PAPOLA: variants seen among roughly 807,000 people sequenced by gnomAD.
PAPOLA encodes polynucleotide adenylyltransferase alpha.
In PAPOLA, 15 loss-of-function variants were observed where a neutral mutation model predicts 100.6. That is an observed-to-expected ratio of 0.15 (90% CI 0.10 to 0.23). The LOEUF is 0.23. Ranked by LOEUF, PAPOLA falls within the 10% of genes least tolerant of loss-of-function variation. The pLI is 1.00. For missense variants in PAPOLA, 533 were observed against 884.2 expected, an observed-to-expected ratio of 0.60 and a Z score of 5.04; for synonymous variants, 293 against 300.0, an observed-to-expected ratio of 0.98 and a Z score of 0.24.
At chr14:96,518,411 TTGC>T (rs1461034602) in intron 1 of PAPOLA, among the ~76,000 whole-genome samples, 1 of 149,884 alleles carries the variant, frequency 6.7e-6, no homozygotes, top group Non-Finnish European at 1.5e-5. Flanking sequence ...TTATTGCTTT[TTGC>T]TTTTTTTTTT....
chr14:96,532,950 C>T, intron 9 of PAPOLA: 2 of 1,067,352 alleles, frequency 1.9e-6, no homozygotes, highest in South Asian at 7.6e-5. Context: ...AAATCAGTTA[C>T]TATACTTTTG....
chr14:96,562,950 A>G (rs1477389546), intron 21 of PAPOLA, 57 bp downstream of exon 21: 6 of 978,066 alleles, frequency 6.1e-6, no homozygotes, highest in South Asian at 2.7e-5. Context: ...TTAGTGTGGT[A>G]TATTGAATTA....
intron 1 of PAPOLA, among the ~76,000 whole-genome samples, chr14:96,513,487 G>T (rs1057212302): frequency 6.6e-6 from 1 of 152,160 alleles, no homozygotes; most frequent in Non-Finnish European, 1.5e-5. Flanking sequence ...GTAATAAATA[G>T]ATCGCTGGAG....
At chr14:96,523,491 T>A (rs770387281) in intron 3 of PAPOLA, among the ~76,000 whole-genome samples, 10 of 152,332 alleles carry the variant, frequency 6.6e-5, no homozygotes, top group South Asian at 2.1e-4. Flanking sequence ...AATAGAGAAG[T>A]CTGTGGACCA....
At chr14:96,519,945 A>G in intron 1 of PAPOLA, 110 bp from the exon 2 acceptor site, 6 of 905,338 alleles carry the variant, frequency 6.6e-6, no homozygotes, top group Non-Finnish European at 9.8e-6. Context: ...ATTGCAGGGA[A>G]CCAATCATGT....
chr14:96,566,665 A>C lies in PAPOLA; in HGVS notation c.*1615A>C, dbSNP rs531223687. On this transcript the variant is annotated 3_prime_UTR_variant, in exon 22 of 22. Transcript: ENST00000216277. The stretch of plus-strand genomic sequence containing the variant: ...ATAATGTCTAGTAAACAATATTTCT[A>C]CTTCCCACATCTTTGCTTTACACAG... 6.6e-6 allele frequency: 1 copy of C among 152,568 alleles called. No homozygotes were observed. Among genetic ancestry groups the C allele is most frequent in the African/African-American group, 2.4e-5 (1 of 41,540 alleles). The allele number at this position is 152,568 out of a possible 1,614,324, so 9.5% of individuals were successfully genotyped here.
intron 1 of PAPOLA, among the ~76,000 whole-genome samples, chr14:96,503,646 G>T (rs1253520823): frequency 8.6e-5 from 13 of 151,906 alleles, no homozygotes; most frequent in Admixed American, 8.5e-4. Flanking sequence ...CATCTTAGTA[G>T]CCTCAAAACG....
intron 10 of PAPOLA, 141 bp from the exon 11 acceptor site, chr14:96,535,738 T>C: frequency 1.2e-6 from 1 of 820,746 alleles, no homozygotes; most frequent in Non-Finnish European, 1.7e-6. Context: ...ACAATGTCTC[T>C]CTACATGGTT....
intron 1 of PAPOLA, among the ~76,000 whole-genome samples, chr14:96,507,578 A>G (rs1400291668): frequency 1.3e-5 from 2 of 152,128 alleles, no homozygotes; most frequent in African/African-American, 4.8e-5. Flanking sequence ...CCTGGCCGAA[A>G]ATAGTTTTTT....
chr14:96,529,444 C>T (rs1898792499), intron 6 of PAPOLA, among the ~76,000 whole-genome samples: 1 of 151,500 alleles, frequency 6.6e-6, no homozygotes, highest in African/African-American at 2.4e-5. Context: ...ATCTAGTAGC[C>T]AGGCACGGTG....
At chr14:96,532,684 T>G in intron 9 of PAPOLA, 35 bp downstream of exon 9, 1 of 1,539,840 alleles carries the variant, frequency 6.5e-7, no homozygotes. Context: ...TAAAATTGAT[T>G]GTAGACACTG....
chr14:96,556,070 G>A, intron 18 of PAPOLA, 105 bp from the exon 19 acceptor site: 2 of 1,178,140 alleles, frequency 1.7e-6, no homozygotes, highest in Non-Finnish European at 2.5e-6. Context: ...TTTATTTTTT[G>A]CATGTAAAGT....
rs568654592 is a variant in PAPOLA, at chr14:96,534,827, C to T, written c.909+264C>T. 3.7e-5 allele frequency: 43 copies of T among 1,175,650 alleles called. No homozygotes were observed. The East Asian group carries it at 1.5e-3, about 41-fold the overall frequency. The allele number at this position is 1,175,650 out of a possible 1,614,324, so 72.8% of individuals were successfully genotyped here. On this transcript the variant is annotated intron_variant, in intron 10 of 21. Transcript: ENST00000216277. Reference sequence around the variant, plus strand: ...ACATTTTAATTTATTCTATATAGAACTACCTTGTAAGTCAAAGTTGTGTGG... The same window carrying T: ...ACATTTTAATTTATTCTATATAGAATTACCTTGTAAGTCAAAGTTGTGTGG...
Position 96,529,565 on chromosome 14 carries a change from AGAAAAAATTAGCCAGGCATGGTGGCGT to A in PAPOLA, c.495+1561_495+1587del, listed in dbSNP as rs1475338617. 5.9e-5 allele frequency among the ~76,000 whole-genome samples: 9 copies of A among 151,946 alleles called. No individual in the cohort carries two copies. The East Asian group carries it at 1.6e-3, about 26-fold the overall frequency. ...TTGAAACCCTGTCTGTACTAAAAAT[AGAAAAAATTAGCCAGGCATGGTGGCGT>A]GTGCCTGTAGTCCCAGCTACTTAGG... On this transcript the variant is annotated intron_variant, in intron 6 of 21. Transcript: ENST00000216277.
At chr14:96,531,321 A>G (rs973799904) in intron 6 of PAPOLA, among the ~76,000 whole-genome samples, 154 bp from the exon 7 acceptor site, 1 of 151,254 alleles carries the variant, frequency 6.6e-6, no homozygotes, top group Non-Finnish European at 1.5e-5. Context: ...TTATAGAGAC[A>G]GGGTTTCGCC....
rs755791845 is a variant in PAPOLA at position 96,536,028 on chromosome 14, A to G, written c.1030+29A>G. 2.6e-6 allele frequency: 4 copies of G among 1,531,980 alleles called. No homozygotes were observed. The South Asian group carries it at 3.9e-5, about 15-fold the overall frequency. The allele number at this position is 1,531,980 out of a possible 1,614,324, so 94.9% of individuals were successfully genotyped here. The stretch of plus-strand genomic sequence containing the variant: ...AGTGTTTATCCTTATGCTCTGATTT[A>G]TACAGGAAGGATTTACGTACCATTG... On this transcript the variant is annotated intron_variant, in intron 11 of 21. Coordinates refer to ENST00000216277, the MANE Select transcript of PAPOLA (RefSeq NM_032632.5).
chr14:96,556,624 C>G (rs1030057439), intron 19 of PAPOLA, among the ~76,000 whole-genome samples: 5 of 152,178 alleles, frequency 3.3e-5, no homozygotes, highest in Admixed American at 6.5e-5. Context: ...TAAAGCTATG[C>G]CCTCTCATTT....
intron 2 of PAPOLA, among the ~76,000 whole-genome samples, chr14:96,520,578 T>C (rs1287217428): frequency 6.7e-6 from 1 of 148,510 alleles, no homozygotes; most frequent in Admixed American, 6.6e-5. Context: ...GGTTTCACCA[T>C]GTTGGGCAGG....
At chr14:96,536,793 C>G in intron 11 of PAPOLA, 183 bp from the exon 12 acceptor site, 1 of 422,228 alleles carries the variant, frequency 2.4e-6, no homozygotes, top group Non-Finnish European at 4.2e-6. Context: ...AAAAATCTTC[C>G]AGCTTTTTAA....
Sources: allele counts gnomAD v4.1 joint callset (sites outside exome capture counted in the v4.1 genomes callset), GRCh38; gene constraint gnomAD v4.1.1; transcripts MANE v1.5; gene names NCBI Gene and HGNC (gene_info 2026-07-23, HGNC 2026-07-21).